PFKFB3: variants seen among roughly 807,000 people sequenced by gnomAD.
PFKFB3 encodes the protein 6-phosphofructo-2-kinase/fructose-2,6-biphosphatase 3.
In PFKFB3, 33 loss-of-function variants were observed where a neutral mutation model predicts 68.0. The ratio of observed to expected loss-of-function variants is 0.49; its 90% confidence interval spans 0.37 to 0.65. The LOEUF (loss-of-function observed/expected upper bound fraction) is 0.65, where lower values mean the gene tolerates loss of function less well. Ranked by LOEUF, PFKFB3 falls within the 30% of genes least tolerant of loss-of-function variation. The probability of loss-of-function intolerance (pLI) is 0.00; values close to 1 mark genes in which losing one functional copy is unlikely to be tolerated. For missense variants in PFKFB3, 586 were observed against 712.2 expected, an observed-to-expected ratio of 0.82 and a Z score of 2.02; for synonymous variants, 315 against 288.2, an observed-to-expected ratio of 1.09 and a Z score of -0.94.
chr10:6,233,192 TCC>T lies in PFKFB3; in HGVS notation c.*251_*252del. The stretch of plus-strand genomic sequence containing the variant: ...GGCCCCCACCTCCACTCTCTGGGTT[TCC>T]TAGGAATGTCCAGCCTCGGAGACCT... On this transcript the variant is annotated 3_prime_UTR_variant, in exon 15 of 15. Coordinates refer to ENST00000379775, the MANE Select transcript of PFKFB3 (RefSeq NM_004566.4). The T allele has an allele frequency of 2.0e-6, 1 of 498,104 alleles. No homozygotes were observed. The highest frequency in any genetic ancestry group is 3.6e-6 in the Non-Finnish European group (1 of 276,196). The allele number at this position is 498,104 out of a possible 1,614,324, so 30.9% of individuals were successfully genotyped here.
chr10:6,292,653 A>G, the PFKFB3 span, among the ~76,000 whole-genome samples: 9 of 152,058 alleles, frequency 5.9e-5, no homozygotes, highest in South Asian at 8.3e-4. Context: ...AAAAAAAACT[A>G]TCAAGGGCAA....
chr10:6,145,927 G>C (rs534605405), intron 1 of PFKFB3, among the ~76,000 whole-genome samples: 4 of 152,334 alleles, frequency 2.6e-5, no homozygotes, highest in African/African-American at 9.6e-5. Context: ...CAGAGCCCTG[G>C]GCCCCTCTCA....
intron 13 of PFKFB3, 97 bp downstream of exon 13, chr10:6,224,310 G>C: frequency 8.4e-7 from 1 of 1,184,002 alleles, no homozygotes. Flanking sequence ...TTGCCTGCAG[G>C]TGCTGGCCTG....
chr10:6,313,003 A>G, the PFKFB3 span, among the ~76,000 whole-genome samples: 37 of 152,390 alleles, frequency 2.4e-4, no homozygotes, highest in East Asian at 6.2e-3. The surrounding 1 kb of genome is among the most constrained non-coding windows in gnomAD (Gnocchi z 4.2). Context: ...TTTAAAATTT[A>G]AACTGGTGAA....
intron 14 of PFKFB3, among the ~76,000 whole-genome samples, chr10:6,243,535 A>G (rs1846187163): frequency 6.6e-6 from 1 of 152,212 alleles, no homozygotes; most frequent in Admixed American, 6.5e-5. Flanking sequence ...TAGTCCCATC[A>G]GTGGAGGCAG....
chr10:6,157,105 TA>T (rs1383652340), intron 1 of PFKFB3, among the ~76,000 whole-genome samples: 1 of 151,004 alleles, frequency 6.6e-6, no homozygotes, highest in Non-Finnish European at 1.5e-5. Flanking sequence ...AAAATAAAAA[TA>T]AATGATAAAA....
chr10:6,175,067 G>A (rs180994695), intron 1 of PFKFB3, among the ~76,000 whole-genome samples: 142 of 152,256 alleles, frequency 9.3e-4, no homozygotes, highest in African/African-American at 3.4e-3. Flanking sequence ...CCGTGCGTCT[G>A]CCTCCCACAG....
chr10:6,302,662 G>A, the PFKFB3 span, among the ~76,000 whole-genome samples: 2 of 149,132 alleles, frequency 1.3e-5, no homozygotes, highest in African/African-American at 5.0e-5. Flanking sequence ...ATACAGGCAT[G>A]AGCCACCGTG....
intron 1 of PFKFB3, among the ~76,000 whole-genome samples, chr10:6,177,354 C>CCCTTTCTTTCTT (rs1842505468): frequency 2.6e-5 from 2 of 77,924 alleles, no homozygotes; most frequent in Admixed American, 1.4e-4. Flanking sequence ...CTTTTCTTTT[C>CCCTTTCTTTCTT]TCTTTCTTTC....
the PFKFB3 span, chr10:6,294,665 T>C: frequency 0.03 from 4,836 of 162,038 alleles, 237 homozygotes; most frequent in African/African-American, 0.11. Flanking sequence ...TTCAAATCTT[T>C]GAGAGATGGA....
At chr10:6,146,175 C>T (rs1220415995) in intron 1 of PFKFB3, 1 of 1,366,552 alleles carries the variant, frequency 7.3e-7, no homozygotes, top group Non-Finnish European at 9.6e-7. Context: ...GGCACTGGGC[C>T]TGTGCTGTGC....
chr10:6,183,691 T>C (rs1842786521), intron 1 of PFKFB3, among the ~76,000 whole-genome samples: 2 of 146,200 alleles, frequency 1.4e-5, no homozygotes, highest in African/African-American at 2.4e-5. Flanking sequence ...AATTTTTTTT[T>C]TAATTTTTTT....
At chr10:6,326,567 G>C in the PFKFB3 span, 1,588 of 455,820 alleles carry the variant, frequency 3.5e-3, 25 homozygotes, top group African/African-American at 0.029. Flanking sequence ...CCAGTAAGGA[G>C]CTCCACCGTG....
At chr10:6,158,657 GGA>G (rs1841878509) in intron 1 of PFKFB3, among the ~76,000 whole-genome samples, 1 of 152,158 alleles carries the variant, frequency 6.6e-6, no homozygotes, top group Non-Finnish European at 1.5e-5. Context: ...CCTGAGGTCA[GGA>G]GTTCAAGACC....
chr10:6,178,615 G>A (rs73614042), intron 1 of PFKFB3, among the ~76,000 whole-genome samples: 1,987 of 152,244 alleles, frequency 0.013, 37 homozygotes, highest in African/African-American at 0.046. Context: ...GCCCTCCCTC[G>A]GTGCCTGCCC....
intron 1 of PFKFB3, among the ~76,000 whole-genome samples, chr10:6,188,065 G>A (rs619862): frequency 0.67 from 101,088 of 151,442 alleles, 36,395 homozygotes; most frequent in Non-Finnish European, 0.8. Flanking sequence ...ATGGATATAT[G>A]TGTGTACGTG....
At chr10:6,147,168 T>A (rs1191507822) in intron 1 of PFKFB3, among the ~76,000 whole-genome samples, 1 of 152,236 alleles carries the variant, frequency 6.6e-6, no homozygotes, top group Non-Finnish European at 1.5e-5. Context: ...AAGGTCCTCC[T>A]GTGAGGGACA....
intron 2 of PFKFB3, 128 bp downstream of exon 2, chr10:6,213,876 C>T: frequency 1.1e-6 from 1 of 930,458 alleles, no homozygotes; most frequent in Non-Finnish European, 1.6e-6. Context: ...CTGATCCTGC[C>T]TCCCATGCAG....
At chr10:6,261,009 T>C in the PFKFB3 span, among the ~76,000 whole-genome samples, 1 of 152,228 alleles carries the variant, frequency 6.6e-6, no homozygotes, top group African/African-American at 2.4e-5. Flanking sequence ...TTCCCACCTG[T>C]AGTGGACAGG....
Sources: allele counts gnomAD v4.1 joint callset (sites outside exome capture counted in the v4.1 genomes callset), GRCh38; gene constraint gnomAD v4.1.1; non-coding constraint Gnocchi (gnomAD v3.1); transcripts MANE v1.5; gene names NCBI Gene and HGNC (gene_info 2026-07-23, HGNC 2026-07-21).